The following NCAPG2 variants were observed in gnomAD, a reference collection of about 807,000 sequenced individuals.
NCAPG2 encodes non-SMC condensin II complex subunit G2.
A neutral mutation model predicts 141.1 loss-of-function variants in NCAPG2; 53 were observed. That is an observed-to-expected ratio of 0.38 (90% CI 0.30 to 0.47). The LOEUF (loss-of-function observed/expected upper bound fraction) is 0.47, where lower values mean the gene tolerates loss of function less well. NCAPG2 is among the 20% of genes least tolerant of loss of function. The probability of loss-of-function intolerance (pLI) is 0.99; values close to 1 mark genes in which losing one functional copy is unlikely to be tolerated. For missense variants in NCAPG2, 1,087 were observed against 1,389.0 expected, an observed-to-expected ratio of 0.78 and a Z score of 3.46; for synonymous variants, 499 against 490.7, an observed-to-expected ratio of 1.02 and a Z score of -0.22.
At position 158,680,782 on chromosome 7, in the gene NCAPG2, C is replaced by T. The variant is rs756707913; in HGVS notation, c.959G>A (p.Arg320Gln). ...ATAAAGCATCTCTTCCACTCCCTGCCGAACTTTCTTTTGATGGTGAAAGTA... is the reference window on the plus strand; with the variant it reads ...ATAAAGCATCTCTTCCACTCCCTGCTGAACTTTCTTTTGATGGTGAAAGTA... ...LSYFHHQKKV[R>Q]QGVEEMLYRL... is the part of the protein sequence containing the mutation. The change falls in exon 10 of 28, where the codon CGG becomes CAG. Residue 320 changes from arginine to glutamine, a missense_variant. Coordinates refer to ENST00000356309, the MANE Select transcript of NCAPG2 (RefSeq NM_017760.7). The T allele has an allele frequency of 1.9e-5, 30 of 1,604,808 alleles. No individual in the cohort carries two copies. Among genetic ancestry groups the T allele is most frequent in the East Asian group, 2.2e-5 (1 of 44,666 alleles).
chr7:158,637,999 C>T lies in NCAPG2; in HGVS notation c.3381-6282G>A, dbSNP rs191566759. On this transcript the variant is annotated intron_variant, in intron 27 of 27. Coordinates refer to ENST00000356309, the MANE Select transcript of NCAPG2 (RefSeq NM_017760.7). ...TCTCTACTAAAAATACAAAAATTAG[C>T]CGGGCATGGTGGCGCATGCCTGTAA... Among the ~76,000 whole-genome samples, 154 of 152,202 alleles carry T rather than the reference C, an allele frequency of 1.0e-3. 3 individuals are homozygous for T. Among genetic ancestry groups the T allele is most frequent in the Admixed American group, 9.9e-3 (152 of 15,288 alleles).
chr7:158,668,287 T>G lies in NCAPG2; in HGVS notation c.1479+3227A>C, dbSNP rs1447325660. ...CCCTCTGCCCTCCTTACCTACCTTG[T>G]GTCCCTAGGCCCTCCCTTACCCACT... On this transcript the variant is annotated intron_variant, in intron 13 of 27. Transcript: ENST00000356309. The G allele has an allele frequency of 4.8e-4, 429 of 888,086 alleles. 39 individuals are homozygous for G. In the African/African-American group the frequency reaches 8.0e-3, roughly 17 times the overall value. The allele number at this position is 888,086 out of a possible 1,614,324, so 55.0% of individuals were successfully genotyped here. A position where few individuals can be genotyped will look rare whatever the true frequency, so the allele number is the denominator to read the frequency against.
intron 27 of NCAPG2, chr7:158,641,529 C>T (rs1288637729): frequency 1.5e-6 from 1 of 663,408 alleles, no homozygotes; most frequent in Admixed American, 2.3e-5. Context: ...AGAGCCCAGC[C>T]TGGGCAACAC....
intron 27 of NCAPG2, among the ~76,000 whole-genome samples, chr7:158,638,927 A>C (rs1830462873): frequency 6.6e-6 from 1 of 152,166 alleles, no homozygotes; most frequent in South Asian, 2.1e-4. Flanking sequence ...AAAGACAAAA[A>C]AGAAATGGTG....
intron 12 of NCAPG2, among the ~76,000 whole-genome samples, chr7:158,673,050 C>T (rs1307333430): frequency 6.6e-6 from 1 of 152,166 alleles, no homozygotes; most frequent in Non-Finnish European, 1.5e-5. Context: ...AAGGTCAGGA[C>T]CAAGAGAAGA....
chr7:158,654,598 T>C lies in NCAPG2; in HGVS notation c.2743A>G (p.Thr915Ala), dbSNP rs964159092. 1 of 1,613,804 alleles carries C rather than the reference T, an allele frequency of 6.2e-7. No individual in the cohort carries two copies. Among genetic ancestry groups the C allele is most frequent in the African/African-American group, 1.3e-5 (1 of 75,004 alleles). ...LLQRSLGIMQ[T>A]VKGFFYVSLL... is the part of the protein sequence containing the mutation. ...TCTAAAACAGCCCTGACTGTACCTG[T>C]TTGCATGATTCCAAGACTCCGCTGT... is the stretch of plus-strand genomic sequence containing the variant. The change falls in exon 22 of 28, where the codon ACA becomes GCA. Residue 915 changes from threonine to alanine, a missense_variant. Coordinates refer to ENST00000356309, the MANE Select transcript of NCAPG2 (RefSeq NM_017760.7).
intron 11 of NCAPG2, among the ~76,000 whole-genome samples, chr7:158,675,963 C>T (rs1834026288): frequency 6.6e-6 from 1 of 152,220 alleles, no homozygotes. Context: ...TCAGATTAGG[C>T]ATGGCCCACG....
chr7:158,643,371 G>A (rs868179582), intron 27 of NCAPG2, among the ~76,000 whole-genome samples: 1 of 150,712 alleles, frequency 6.6e-6, no homozygotes, highest in African/African-American at 2.4e-5. Flanking sequence ...ATGAGTCACC[G>A]TGCCCAGCCT....
At chr7:158,655,746 G>GCACCCA in intron 19 of NCAPG2, among the ~76,000 whole-genome samples, 1 of 12,954 alleles carries the variant, frequency 7.7e-5, no homozygotes. Context: ...CCATCTGCCT[G>GCACCCA]GCTCCACTCT....
intron 3 of NCAPG2, 27 bp from the exon 4 acceptor site, chr7:158,692,983 T>C (rs1230558959): frequency 1.5e-6 from 2 of 1,374,922 alleles, no homozygotes; most frequent in Non-Finnish European, 1.0e-6. Context: ...AAAGCATGAG[T>C]GAATTAAAAT....
At chr7:158,673,407 G>C (rs1037825181) in intron 12 of NCAPG2, among the ~76,000 whole-genome samples, 8 of 152,334 alleles carry the variant, frequency 5.3e-5, no homozygotes, top group African/African-American at 1.9e-4. Context: ...CCATCAGCAT[G>C]CTTGGGGATG....
chr7:158,650,147 G>A (rs1273199499), intron 24 of NCAPG2, among the ~76,000 whole-genome samples: 4 of 152,098 alleles, frequency 2.6e-5, no homozygotes, highest in Non-Finnish European at 4.4e-5. Context: ...TCCGCCTCCC[G>A]GGTTCAAGAC....
In NCAPG2 at chr7:158,633,356, C is replaced by T. The variant is rs1226718853; in HGVS notation, c.3381-1639G>A. Among the ~76,000 whole-genome samples, 2 of 152,188 alleles carry T rather than the reference C, an allele frequency of 1.3e-5. No homozygotes were observed. The highest frequency in any genetic ancestry group is 2.4e-5 in the African/African-American group (1 of 41,448). ...ACACTTGAGCTCTAGACTGTCCTTT[C>T]GGGGTTACAGTTGACTCTTCTTCAA... On this transcript the variant is annotated intron_variant, in intron 27 of 27. Coordinates refer to ENST00000356309, the MANE Select transcript of NCAPG2 (RefSeq NM_017760.7). The surrounding 1 kb of genome is among the most constrained non-coding windows in gnomAD (Gnocchi z 4.1).
In NCAPG2 at chr7:158,655,375, A is replaced by T. The variant is rs1178766218; in HGVS notation, c.2469T>A (p.Gly823=). ...GATGGATGCTCAGGCGACAGTGGAG[A>T]CCAAAGGCTCGCGGGGCAGCTGCTT... ...FSEAAAPRAF[G]LHCRLSIHLQ... is the part of the protein sequence containing the mutation. Residue 823 remains glycine (G), a synonymous_variant, in exon 20 of 28, where the codon GGT becomes GGA. Coordinates refer to ENST00000356309, the MANE Select transcript of NCAPG2 (RefSeq NM_017760.7). The T allele has an allele frequency of 6.2e-7, 1 of 1,614,152 alleles. No individual in the cohort carries two copies. The highest frequency in any genetic ancestry group is 8.5e-7 in the Non-Finnish European group (1 of 1,180,028).
At chr7:158,642,015 C>T (rs962915607) in intron 27 of NCAPG2, among the ~76,000 whole-genome samples, 2 of 151,994 alleles carry the variant, frequency 1.3e-5, no homozygotes, top group South Asian at 2.1e-4. Flanking sequence ...CACACCTTCA[C>T]GAATTTAAAA....
intron 1 of NCAPG2, among the ~76,000 whole-genome samples, chr7:158,704,443 G>C (rs1417880165): frequency 1.3e-5 from 2 of 152,264 alleles, no homozygotes; most frequent in East Asian, 3.9e-4. Context: ...CAGGGCTGGG[G>C]GGTCGCTCTC....
chr7:158,674,723 G>A (rs1190791961), intron 12 of NCAPG2, among the ~76,000 whole-genome samples: 2 of 152,256 alleles, frequency 1.3e-5, no homozygotes, highest in African/African-American at 4.8e-5. Flanking sequence ...TTGCACCTGA[G>A]AGAAGAGGAA....
At chr7:158,685,663 C>A (rs1003958514) in intron 8 of NCAPG2, among the ~76,000 whole-genome samples, 3 of 152,084 alleles carry the variant, frequency 2.0e-5, no homozygotes, top group Admixed American at 6.5e-5. Context: ...AAAAAAAAGT[C>A]TGTACATGTT....
At chr7:158,662,154 CCTT>C in intron 16 of NCAPG2, 37 bp downstream of exon 16, 1 of 1,535,696 alleles carries the variant, frequency 6.5e-7, no homozygotes. Context: ...ACAAACGTAA[CCTT>C]AATATACCTT....
Sources: gnomAD v4.1 joint callset for allele counts (sites outside exome capture counted in the v4.1 genomes callset) on GRCh38, gnomAD v4.1.1 for gene constraint, Gnocchi (gnomAD v3.1) non-coding constraint, MANE v1.5 for transcripts, NCBI Gene and HGNC (gene_info 2026-07-23, HGNC 2026-07-21) for gene names.